The following AIG1 variants were observed in gnomAD, a reference collection of about 807,000 sequenced individuals.
The protein encoded by AIG1 is androgen-induced gene 1 protein.
A neutral mutation model predicts 31.4 loss-of-function variants in AIG1; 23 were observed. The ratio of observed to expected loss-of-function variants is 0.73; its 90% CI spans 0.53 to 1.04. AIG1 has a LOEUF of 1.04. Among genes scored for constraint, AIG1 ranks in the 50% least tolerant of loss-of-function variants. The pLI, the probability that AIG1 is intolerant of heterozygous loss-of-function variation, is 0.00. For synonymous variants in AIG1, 100 were observed against 110.5 expected, an observed-to-expected ratio of 0.90 and a Z score of 0.60; for missense variants, 274 against 295.0, an observed-to-expected ratio of 0.93 and a Z score of 0.52.
intron 1 of AIG1, among the ~76,000 whole-genome samples, chr6:143,110,170 G>A (rs956961054): frequency 2.0e-5 from 3 of 152,102 alleles, no homozygotes; most frequent in Non-Finnish European, 4.4e-5. Context: ...ACTCTGTGCT[G>A]CCCCACTGGT....
chr6:143,282,379 T>G (rs937532205), intron 3 of AIG1, among the ~76,000 whole-genome samples: 1 of 152,208 alleles, frequency 6.6e-6, no homozygotes, highest in Admixed American at 6.5e-5. Context: ...TATTTGAATT[T>G]TGCGTGAATG....
rs114848355 is a variant in AIG1, at chr6:143,169,792, T to A, written c.399+4609T>A. ...AAGGTATATTCCATCTATACCTAATTTGTTGAGAGTTGTTATTGTAAATGA... is the reference window on the plus strand; with the variant it reads ...AAGGTATATTCCATCTATACCTAATATGTTGAGAGTTGTTATTGTAAATGA... On this transcript the variant is annotated intron_variant, in intron 3 of 5. Coordinates refer to ENST00000357847, the MANE Select transcript of AIG1 (RefSeq NM_016108.4). Among the ~76,000 whole-genome samples, 841 of 152,298 alleles carry A rather than the reference T, an allele frequency of 5.5e-3. 11 individuals are homozygous for A. Among genetic ancestry groups the A allele is most frequent in the African/African-American group, 0.017 (699 of 41,566 alleles).
chr6:143,218,336 G>A (rs1055702554), intron 3 of AIG1, among the ~76,000 whole-genome samples: 12 of 152,164 alleles, frequency 7.9e-5, no homozygotes, highest in African/African-American at 2.7e-4. Flanking sequence ...ATTAACCAAA[G>A]GAAGGCATCT....
At chr6:143,090,544 A>G (rs1372009148) in intron 1 of AIG1, among the ~76,000 whole-genome samples, 2 of 152,234 alleles carry the variant, frequency 1.3e-5, no homozygotes, top group Non-Finnish European at 2.9e-5. Context: ...TAAAGTGAAT[A>G]TTGCAATAAA....
chr6:143,089,285 C>T (rs1036253718), intron 1 of AIG1, among the ~76,000 whole-genome samples: 13 of 151,522 alleles, frequency 8.6e-5, no homozygotes, highest in African/African-American at 2.7e-4. Context: ...GCATATTATA[C>T]ATCTATTAAT....
intron 2 of AIG1, among the ~76,000 whole-genome samples, chr6:143,156,168 T>C (rs937737875): frequency 1.4e-4 from 22 of 152,198 alleles, no homozygotes; most frequent in Non-Finnish European, 2.9e-4. Context: ...AATTTATCCC[T>C]CTGAGGTCTC....
chr6:143,280,878 G>A lies in AIG1; in HGVS notation c.400-3232G>A, dbSNP rs1554264559. ...GTGTATCCCCAAATCTAAAATAAAAGTTAAAAAAAAGTTCTGACTTTATGC... is the reference window on the plus strand; with the variant it reads ...GTGTATCCCCAAATCTAAAATAAAAATTAAAAAAAAGTTCTGACTTTATGC... On this transcript the variant is annotated intron_variant, in intron 3 of 5. Coordinates refer to ENST00000357847, the MANE Select transcript of AIG1 (RefSeq NM_016108.4). The surrounding 1 kb of genome is among the most constrained non-coding windows in gnomAD (Gnocchi z 4.1). 6.6e-6 allele frequency among the ~76,000 whole-genome samples: 1 copy of A among 151,792 alleles called. No homozygotes were observed. The highest frequency in any genetic ancestry group is 1.5e-5 in the Non-Finnish European group (1 of 67,930).
At chr6:143,081,043 A>C (rs765417777) in intron 1 of AIG1, among the ~76,000 whole-genome samples, 6 of 152,198 alleles carry the variant, frequency 3.9e-5, no homozygotes, top group Non-Finnish European at 7.3e-5. Context: ...GCCGTCTCTC[A>C]GTCAAGCACA....
At chr6:143,126,659 A>C (rs1019534923) in intron 1 of AIG1, among the ~76,000 whole-genome samples, 3 of 152,158 alleles carry the variant, frequency 2.0e-5, no homozygotes, top group Non-Finnish European at 4.4e-5. Flanking sequence ...TTCCAGCAAG[A>C]ACTGCATTGA....
At chr6:143,140,479 G>C (rs866511358) in intron 2 of AIG1, among the ~76,000 whole-genome samples, 8 of 151,888 alleles carry the variant, frequency 5.3e-5, no homozygotes, top group Admixed American at 2.0e-4. Flanking sequence ...CCCTGTTCCC[G>C]CAACTGCTCA....
At chr6:143,189,287 C>A in intron 3 of AIG1, 1 of 562,000 alleles carries the variant, frequency 1.8e-6, no homozygotes, top group Non-Finnish European at 2.3e-6. Context: ...CATTATGTTT[C>A]CCAGGCTGGT....
chr6:143,161,221 T>TA (rs2128559166), intron 2 of AIG1, among the ~76,000 whole-genome samples: 1 of 152,272 alleles, frequency 6.6e-6, no homozygotes, highest in East Asian at 1.9e-4. Flanking sequence ...GCCCTATATT[T>TA]ATTAAAGAAA....
At chr6:143,192,138 T>A (rs921427124) in intron 3 of AIG1, among the ~76,000 whole-genome samples, 1 of 152,222 alleles carries the variant, frequency 6.6e-6, no homozygotes, top group Non-Finnish European at 1.5e-5. Context: ...CAGATTTAAT[T>A]TGAGGAGTCT....
At chr6:143,145,527 AAG>A (rs58228512) in intron 2 of AIG1, among the ~76,000 whole-genome samples, 10,731 of 152,204 alleles carry the variant, frequency 0.071, 780 homozygotes, top group East Asian at 0.38. Context: ...TCATCAGGTG[AAG>A]AGATTATTCC....
intron 3 of AIG1, among the ~76,000 whole-genome samples, chr6:143,191,134 A>C (rs113354252): frequency 1.1e-3 from 170 of 152,288 alleles, no homozygotes; most frequent in African/African-American, 3.9e-3. Flanking sequence ...ATGTGAGCTG[A>C]ATGGAGCTTA....
At chr6:143,312,380 A>G (rs1162919587) in intron 4 of AIG1, among the ~76,000 whole-genome samples, 3 of 152,138 alleles carry the variant, frequency 2.0e-5, no homozygotes, top group Admixed American at 6.6e-5. Flanking sequence ...AATGAAACAG[A>G]ATAGAGAACC....
chr6:143,162,982 G>C (rs1786543519), intron 2 of AIG1, among the ~76,000 whole-genome samples: 1 of 152,172 alleles, frequency 6.6e-6, no homozygotes, highest in South Asian at 2.1e-4. Context: ...GGCTGAAGTA[G>C]AGCCTCCCCA....
At chr6:143,091,499 T>G (rs536603773) in intron 1 of AIG1, among the ~76,000 whole-genome samples, 16 of 152,344 alleles carry the variant, frequency 1.1e-4, no homozygotes, top group African/African-American at 3.8e-4. Context: ...GAATAATGAC[T>G]GTATTAATAA....
intron 1 of AIG1, among the ~76,000 whole-genome samples, chr6:143,108,798 T>C (rs539251026): frequency 4.3e-4 from 66 of 152,340 alleles, no homozygotes; most frequent in Non-Finnish European, 6.6e-4. Flanking sequence ...CTTACATGAA[T>C]TGACTACAGC....
Sources: gnomAD v4.1 joint callset for allele counts (sites outside exome capture counted in the v4.1 genomes callset) on GRCh38, gnomAD v4.1.1 for gene constraint, Gnocchi (gnomAD v3.1) non-coding constraint, MANE v1.5 for transcripts, NCBI Gene and HGNC (gene_info 2026-07-23, HGNC 2026-07-21) for gene names.